The following ATAD2B variants were observed in gnomAD, a reference collection of about 807,000 sequenced individuals.
ATAD2B encodes ATPase family AAA domain containing 2B.
ATAD2B carries 40 observed loss-of-function variants against 167.6 expected under a neutral mutation model. That is an observed-to-expected ratio of 0.24 (90% CI 0.19 to 0.31). The LOEUF is 0.31. Ranked by LOEUF, ATAD2B falls within the 10% of genes least tolerant of loss-of-function variation. ATAD2B has a pLI of 1.00. For synonymous variants in ATAD2B, 579 were observed against 596.5 expected (o/e 0.97, Z 0.43); for missense variants, 1,242 against 1,757.2 (o/e 0.71, Z 5.24).
intron 12 of ATAD2B, among the ~76,000 whole-genome samples, chr2:23,860,102 C>A (rs1406331569): frequency 2.0e-5 from 3 of 152,020 alleles, no homozygotes; most frequent in Non-Finnish European, 4.4e-5. Flanking sequence ...AGTGGGTTTG[C>A]CCCCATCTTG....
chr2:23,817,400 A>G (rs1686611372), intron 17 of ATAD2B, among the ~76,000 whole-genome samples: 1 of 152,232 alleles, frequency 6.6e-6, no homozygotes, highest in African/African-American at 2.4e-5. Flanking sequence ...AGATCTTTAC[A>G]TACCAAGCAA....
At position 23,926,631 on chromosome 2, in the gene ATAD2B, T is replaced by G; in HGVS notation, c.140A>C (p.Lys47Thr). Residue 47 changes from lysine to threonine, a missense_variant, in exon 1 of 28, where the codon AAG becomes ACG. Around this residue, in one of 9 missense-constraint regions of ATAD2B, gnomAD observed 199 missense variants for 194.9 expected, o/e 1.02. Coordinates refer to ENST00000238789, the MANE Select transcript of ATAD2B (RefSeq NM_017552.4). ...GGCGGGGCAGCTGGCGGCGCGGGTC[T>G]TGGAGGAGCGGGTCCGAGAGGAGAT... The part of the protein sequence containing the change: ...HFISSRTRSS[K>T]TRAASCPAAK... The G allele has an allele frequency of 6.4e-7, 1 of 1,564,178 alleles. No homozygotes were observed. Among genetic ancestry groups the G allele is most frequent in the Non-Finnish European group, 8.7e-7 (1 of 1,155,518 alleles).
In ATAD2B at chr2:23,926,723, A is replaced by T. The variant is rs1364581343; in HGVS notation, c.48T>A (p.Ser16=). The T allele has an allele frequency of 6.5e-7, 1 of 1,549,204 alleles. No individual in the cohort carries two copies. The change falls in exon 1 of 28, where the codon TCT becomes TCA. Residue 16 remains serine, a synonymous_variant. Coordinates refer to ENST00000238789, the MANE Select transcript of ATAD2B (RefSeq NM_017552.4). ...KSSLRLLGSK[S]PGPGPGPGAG... is the part of the protein sequence containing the mutation. ...CCCCAGGCCCAGGCCCGGGACCAGG[A>T]GACTTGGACCCGAGAAGGCGGAGAG... is the stretch of plus-strand genomic sequence containing the variant.
chr2:23,888,714 G>A (rs1291730741), intron 2 of ATAD2B, among the ~76,000 whole-genome samples: 1 of 152,138 alleles, frequency 6.6e-6, no homozygotes, highest in Non-Finnish European at 1.5e-5. Context: ...ATGAGTAGCA[G>A]GGGTCACAGG....
chr2:23,858,993 T>TAGCTC lies in ATAD2B; in HGVS notation c.1480-1495_1480-1491dup, dbSNP rs201900805. Among the ~76,000 whole-genome samples, 9 of 152,298 alleles carry TAGCTC rather than the reference T, an allele frequency of 5.9e-5. No individual in the cohort carries two copies. In the East Asian group the frequency reaches 1.7e-3, roughly 29 times the overall value. On this transcript the variant is annotated intron_variant, in intron 12 of 27. Transcript: ENST00000238789. ...TAATAAATCCTAAAAGTAGAACTAC[T>TAGCTC]AGCTCAAAAGGCATGTGTCATTTCT...
chr2:23,860,837 G>T (rs1694229206), intron 12 of ATAD2B, among the ~76,000 whole-genome samples: 1 of 152,146 alleles, frequency 6.6e-6, no homozygotes, highest in Non-Finnish European at 1.5e-5. Context: ...TGGACATGGT[G>T]GCAGGTGCCC....
At position 23,752,373 on chromosome 2, in the gene ATAD2B, A is replaced by C. The variant is rs541605449; in HGVS notation, c.4336-286T>G. On this transcript the variant is annotated intron_variant, in intron 27 of 27. Coordinates refer to ENST00000238789, the MANE Select transcript of ATAD2B (RefSeq NM_017552.4). ...TATCAGTATGAGGTATGATATGAGTAATATGAATATAAGGATGATGATAGC... is the reference window on the plus strand; with the variant it reads ...TATCAGTATGAGGTATGATATGAGTCATATGAATATAAGGATGATGATAGC... Among the ~76,000 whole-genome samples, 6 of 151,728 alleles carry C rather than the reference A, an allele frequency of 4.0e-5. No individual in the cohort carries two copies. The East Asian group carries it at 1.2e-3, about 29-fold the overall frequency.
At chr2:23,777,838 A>G (rs927148737) in intron 22 of ATAD2B, among the ~76,000 whole-genome samples, 3 of 152,178 alleles carry the variant, frequency 2.0e-5, no homozygotes, top group African/African-American at 7.2e-5. Context: ...ACACAGGTCA[A>G]TTTCTTCTTG....
chr2:23,777,607 T>C (rs1351973371), intron 22 of ATAD2B, among the ~76,000 whole-genome samples: 1 of 152,174 alleles, frequency 6.6e-6, no homozygotes, highest in African/African-American at 2.4e-5. Flanking sequence ...GCTTTAATCC[T>C]ATACAATTTG....
chr2:23,806,469 T>C (rs192678028), intron 18 of ATAD2B, among the ~76,000 whole-genome samples: 47 of 152,340 alleles, frequency 3.1e-4, no homozygotes, highest in African/African-American at 1.0e-3. Context: ...TCTTTATTAC[T>C]GTAACTCTAT....
At chr2:23,871,121 A>AC (rs2150107704) in intron 8 of ATAD2B, among the ~76,000 whole-genome samples, 1 of 151,808 alleles carries the variant, frequency 6.6e-6, no homozygotes, top group East Asian at 1.9e-4. Context: ...AAAAAAAAAA[A>AC]ACCTCAAAAA....
chr2:23,725,403 C>T, the ATAD2B span, among the ~76,000 whole-genome samples: 1 of 152,268 alleles, frequency 6.6e-6, no homozygotes, highest in South Asian at 2.1e-4. Context: ...GTAAATATAA[C>T]AGATTATGTC....
At chr2:23,799,584 A>AG (rs1239165194) in intron 18 of ATAD2B, among the ~76,000 whole-genome samples, 2 of 148,790 alleles carry the variant, frequency 1.3e-5, no homozygotes, top group African/African-American at 5.1e-5. Context: ...AAAAAAAAAA[A>AG]AAAAAGAAAA....
At chr2:23,712,859 C>G in the ATAD2B span, among the ~76,000 whole-genome samples, 1 of 152,144 alleles carries the variant, frequency 6.6e-6, no homozygotes, top group African/African-American at 2.4e-5. Context: ...GGAACATATG[C>G]AGGTCATTTG....
intron 13 of ATAD2B, among the ~76,000 whole-genome samples, chr2:23,834,572 C>T (rs914143021): frequency 1.0e-5 from 1 of 97,932 alleles, no homozygotes; most frequent in Non-Finnish European, 2.2e-5. Flanking sequence ...TAGTAGACAC[C>T]TAAACCTTGG....
intron 12 of ATAD2B, 27 bp downstream of exon 12, chr2:23,863,354 A>T (rs1694707026): frequency 6.5e-7 from 1 of 1,542,388 alleles, no homozygotes; most frequent in Non-Finnish European, 8.7e-7. Context: ...AACAGAAAAG[A>T]CTCTTGAATT....
chr2:23,768,612 A>G (rs1018625589), intron 22 of ATAD2B, among the ~76,000 whole-genome samples: 2 of 151,972 alleles, frequency 1.3e-5, no homozygotes, highest in African/African-American at 2.4e-5. Context: ...ATCATCACCA[A>G]AAGTTTCTTG....
chr2:23,682,158 G>C, the ATAD2B span, among the ~76,000 whole-genome samples: 1 of 152,024 alleles, frequency 6.6e-6, no homozygotes, highest in African/African-American at 2.4e-5. This position sits in a 1 kb window ranked among gnomAD's most constrained non-coding sequence, Gnocchi z 4.1. Flanking sequence ...GGGTCCACAC[G>C]CTCCTGTTTC....
chr2:23,719,278 T>G, the ATAD2B span, among the ~76,000 whole-genome samples: 2 of 152,036 alleles, frequency 1.3e-5, no homozygotes, highest in African/African-American at 2.4e-5. Context: ...TTCAAAATGT[T>G]CAGGACACAA....
Sources: gnomAD v4.1 joint callset for allele counts (sites outside exome capture counted in the v4.1 genomes callset) on GRCh38, gnomAD v4.1.1 for gene constraint, gnomAD v4.1.1 regional missense constraint, Gnocchi (gnomAD v3.1) non-coding constraint, MANE v1.5 for transcripts, NCBI Gene and HGNC (gene_info 2026-07-23, HGNC 2026-07-21) for gene names.